The following ANKRD46 variants were observed in gnomAD, a reference collection of about 807,000 sequenced individuals.
The protein encoded by ANKRD46 is ankyrin repeat domain-containing protein 46.
In ANKRD46, 13 loss-of-function variants were observed where a neutral mutation model predicts 19.8. That is an observed-to-expected ratio of 0.66 (90% CI 0.43 to 1.04). ANKRD46 has a LOEUF of 1.04. ANKRD46 is among the 50% of genes least tolerant of loss of function. The probability of loss-of-function intolerance (pLI) is 0.00; values close to 1 mark genes in which losing one functional copy is unlikely to be tolerated. For synonymous variants in ANKRD46, 91 were observed against 106.9 expected, an observed-to-expected ratio of 0.85 and a Z score of 0.92; for missense variants, 185 against 274.8, an observed-to-expected ratio of 0.67 and a Z score of 2.31.
Position 100,510,284 on chromosome 8 carries a change from C to T in ANKRD46, c.*293G>A. On this transcript the variant is annotated 3_prime_UTR_variant, in exon 6 of 6. Transcript: ENST00000520552. The surrounding 1 kb of genome is among the most constrained non-coding windows in gnomAD (Gnocchi z 4.9). ...TTCAAGATCAAATGGATGTGATTTGCCTTGTGGAGGTGGCATCCTGCCCGG... is the reference window on the plus strand; with the variant it reads ...TTCAAGATCAAATGGATGTGATTTGTCTTGTGGAGGTGGCATCCTGCCCGG... 1 of 360,438 alleles carries T rather than the reference C, an allele frequency of 2.8e-6. No individual in the cohort carries two copies. Among genetic ancestry groups the T allele is most frequent in the Admixed American group, 4.3e-5 (1 of 23,258 alleles). The allele number at this position is 360,438 out of a possible 1,614,324, so 22.3% of individuals were successfully genotyped here. A position where few individuals can be genotyped will look rare whatever the true frequency, so the allele number is the denominator to read the frequency against.
At chr8:100,556,230 A>G (rs1469337523) in intron 1 of ANKRD46, among the ~76,000 whole-genome samples, 2 of 152,178 alleles carry the variant, frequency 1.3e-5, no homozygotes, top group East Asian at 1.9e-4. Context: ...TATGTTGTCC[A>G]GGCTGGTCTT....
downstream of ANKRD46, among the ~76,000 whole-genome samples, chr8:100,518,623 G>A (rs989775037): frequency 4.9e-4 from 75 of 152,094 alleles, no homozygotes; most frequent in African/African-American, 1.7e-3. Flanking sequence ...AGGCCGAGGC[G>A]GGTGGATCAC....
chr8:100,526,139 C>G (rs1022367839), intron 4 of ANKRD46, among the ~76,000 whole-genome samples: 54 of 152,292 alleles, frequency 3.5e-4, no homozygotes, highest in Non-Finnish European at 7.8e-4. Flanking sequence ...TTAATACAAA[C>G]TCTCATGCTG....
chr8:100,522,721 CCTT>C lies in ANKRD46; in HGVS notation c.518_520del (p.Glu173del), dbSNP rs774739166. On this transcript the variant is annotated inframe_deletion, in exon 5 of 5. Transcript: ENST00000335659. ...CGTGGTTCGGAAGCTGGAGAGGACT[CCTT>C]CACCTTGCTGCAGGTTGGGATTGAG... 1.2e-6 allele frequency: 2 copies of C among 1,613,960 alleles called. No individual in the cohort carries two copies. The highest frequency in any genetic ancestry group is 2.7e-5 in the African/African-American group (2 of 74,874).
At position 100,524,736 on chromosome 8, in the gene ANKRD46, C is replaced by T. The variant is rs1396026720; in HGVS notation, c.471-1965G>A. On this transcript the variant is annotated intron_variant, in intron 4 of 4. Coordinates refer to ENST00000335659, the MANE Select transcript of ANKRD46 (RefSeq NM_001270377.2). This position sits in a 1 kb window ranked among gnomAD's most constrained non-coding sequence, Gnocchi z 4.3. The stretch of plus-strand genomic sequence containing the variant: ...GATTACGAGTTGACATGCCCTTATA[C>T]ATGTTAGGTATAAAATGAAAATTCC... 6.6e-6 allele frequency among the ~76,000 whole-genome samples: 1 copy of T among 152,124 alleles called. No homozygotes were observed. Among genetic ancestry groups the T allele is most frequent in the Non-Finnish European group, 1.5e-5 (1 of 68,012 alleles).
chr8:100,530,156 A>G (rs1231514980), intron 2 of ANKRD46, among the ~76,000 whole-genome samples: 2 of 152,272 alleles, frequency 1.3e-5, no homozygotes, highest in Non-Finnish European at 2.9e-5. Flanking sequence ...ATAATAGCTT[A>G]GATTTAAGTA....
intron 1 of ANKRD46, among the ~76,000 whole-genome samples, chr8:100,548,225 A>T (rs936111871): frequency 2.0e-5 from 3 of 152,232 alleles, no homozygotes; most frequent in African/African-American, 7.2e-5. Context: ...AATAAAGGAT[A>T]AATTATCAGG....
At chr8:100,555,640 A>G (rs1189078075) in intron 1 of ANKRD46, among the ~76,000 whole-genome samples, 1 of 150,610 alleles carries the variant, frequency 6.6e-6, no homozygotes. Flanking sequence ...TGAGAACAAG[A>G]AAGGAGAGCC....
chr8:100,518,712 C>T (rs1038315201), downstream of ANKRD46, among the ~76,000 whole-genome samples: 1 of 151,906 alleles, frequency 6.6e-6, no homozygotes, highest in Non-Finnish European at 1.5e-5. Flanking sequence ...ATTAGCTGGG[C>T]GTGGTGGCAC....
Position 100,521,384 on chromosome 8 carries a change from C to G in ANKRD46, c.*1171G>C, listed in dbSNP as rs890088533. The G allele has an allele frequency of 5.1e-6, 5 of 985,256 alleles. No homozygotes were observed. The highest frequency in any genetic ancestry group is 6.0e-6 in the Non-Finnish European group (5 of 829,912). The allele number at this position is 985,256 out of a possible 1,614,324, so 61.0% of individuals were successfully genotyped here. A position where few individuals can be genotyped will look rare whatever the true frequency, so the allele number is the denominator to read the frequency against. On this transcript the variant is annotated 3_prime_UTR_variant, in exon 5 of 5. Transcript: ENST00000335659. ...AAGCCTTCATATTCTTTTTTAACCA[C>G]TCAAGAACATAATTCATACATTACA... is the stretch of plus-strand genomic sequence containing the variant.
At chr8:100,531,367 G>A (rs534110853) in intron 2 of ANKRD46, among the ~76,000 whole-genome samples, 1 of 152,282 alleles carries the variant, frequency 6.6e-6, no homozygotes, top group South Asian at 2.1e-4. Context: ...AGGGGATTCA[G>A]GGAAGCCTGG....
intron 1 of ANKRD46, among the ~76,000 whole-genome samples, chr8:100,540,342 A>T (rs576961290): frequency 6.6e-6 from 1 of 152,238 alleles, no homozygotes; most frequent in Non-Finnish European, 1.5e-5. Flanking sequence ...TTCAAAGTGA[A>T]CGTCTTCTTA....
Position 100,524,891 on chromosome 8 carries a change from A to G in ANKRD46, c.471-2120T>C, listed in dbSNP as rs1006537166. On this transcript the variant is annotated intron_variant, in intron 4 of 4. Coordinates refer to ENST00000335659, the MANE Select transcript of ANKRD46 (RefSeq NM_001270377.2). This position sits in a 1 kb window ranked among gnomAD's most constrained non-coding sequence, Gnocchi z 4.3. ...GATTCTAACATAATGGGGTGTGTGTATAATCTTTTTTTAAAAACGTGATAT... is the reference window on the plus strand; with the variant it reads ...GATTCTAACATAATGGGGTGTGTGTGTAATCTTTTTTTAAAAACGTGATAT... 2.7e-5 allele frequency among the ~76,000 whole-genome samples: 4 copies of G among 149,960 alleles called. No homozygotes were observed. The highest frequency in any genetic ancestry group is 2.0e-4 in the East Asian group (1 of 5,030).
intron 5 of ANKRD46, among the ~76,000 whole-genome samples, chr8:100,515,204 T>C (rs1418444682): frequency 1.3e-5 from 2 of 152,190 alleles, no homozygotes; most frequent in African/African-American, 4.8e-5. Flanking sequence ...ATCAAAAGTA[T>C]GCAGCGGACA....
rs1044411035 is a variant in ANKRD46, at chr8:100,527,283, T to C, written c.470+562A>G. Among the ~76,000 whole-genome samples, 4 of 152,248 alleles carry C rather than the reference T, an allele frequency of 2.6e-5. No individual in the cohort carries two copies. Among genetic ancestry groups the C allele is most frequent in the Non-Finnish European group, 4.4e-5 (3 of 68,044 alleles). The stretch of plus-strand genomic sequence containing the variant: ...CACTTTCACATTACTGAACTGTGCA[T>C]GTGTTAAATACTATCTTGCTTTCCC... On this transcript the variant is annotated intron_variant, in intron 4 of 4. Coordinates refer to ENST00000335659, the MANE Select transcript of ANKRD46 (RefSeq NM_001270377.2). The surrounding 1 kb of genome is among the most constrained non-coding windows in gnomAD (Gnocchi z 4.0).
chr8:100,552,303 T>A (rs1339077040), intron 1 of ANKRD46, among the ~76,000 whole-genome samples: 1 of 152,114 alleles, frequency 6.6e-6, no homozygotes, highest in Non-Finnish European at 1.5e-5. Context: ...CCAAAACAGC[T>A]ACAGCCTCAC....
In ANKRD46 at chr8:100,543,923, A is replaced by T. The variant is rs2130690379; in HGVS notation, c.-130-10612T>A. 6.6e-6 allele frequency among the ~76,000 whole-genome samples: 1 copy of T among 152,260 alleles called. No homozygotes were observed. Among genetic ancestry groups the T allele is most frequent in the East Asian group, 1.9e-4 (1 of 5,190 alleles). The stretch of plus-strand genomic sequence containing the variant: ...CTGGCCCAAATTTTTCTTTTTAATT[A>T]TATTTTATTGGATGGTTTCAGGAGT... On this transcript the variant is annotated intron_variant, in intron 1 of 4. Coordinates refer to ENST00000335659, the MANE Select transcript of ANKRD46 (RefSeq NM_001270377.2). The surrounding 1 kb of genome is among the most constrained non-coding windows in gnomAD (Gnocchi z 4.2).
At position 100,524,501 on chromosome 8, in the gene ANKRD46, A is replaced by G. The variant is rs1176876854; in HGVS notation, c.471-1730T>C. The stretch of plus-strand genomic sequence containing the variant: ...AATGGGCCAGTCTGCTTAACACCCA[A>G]ACTTTTTTTTTTTTAATAATTAAAA... On this transcript the variant is annotated intron_variant, in intron 4 of 4. Coordinates refer to ENST00000335659, the MANE Select transcript of ANKRD46 (RefSeq NM_001270377.2). The surrounding 1 kb of genome is among the most constrained non-coding windows in gnomAD (Gnocchi z 4.3). Among the ~76,000 whole-genome samples, 1 of 73,448 alleles carries G rather than the reference A, an allele frequency of 1.4e-5. No homozygotes were observed. The highest frequency in any genetic ancestry group is 7.5e-5 in the African/African-American group (1 of 13,246). The allele number at this position is 73,448 out of a possible 152,430, so 48.2% of individuals were successfully genotyped here. A position where few individuals can be genotyped will look rare whatever the true frequency, so the allele number is the denominator to read the frequency against.
intron 3 of ANKRD46, 85 bp from the exon 4 acceptor site, chr8:100,528,088 T>C: frequency 7.4e-7 from 1 of 1,348,024 alleles, no homozygotes; most frequent in Non-Finnish European, 9.7e-7. Flanking sequence ...CCATTTTTAG[T>C]ACCCACTTAT....
Sources: gnomAD v4.1 joint callset for allele counts (sites outside exome capture counted in the v4.1 genomes callset) on GRCh38, gnomAD v4.1.1 for gene constraint, Gnocchi (gnomAD v3.1) non-coding constraint, MANE v1.5 for transcripts, NCBI Gene and HGNC (gene_info 2026-07-23, HGNC 2026-07-21) for gene names.